Variants in ALG14 observed in about 807,000 individuals in gnomAD.
ALG14 encodes the protein ALG14 UDP-N-acetylglucosaminyltransferase subunit, also known as UDP-N-acetylglucosamine transferase subunit ALG14.
A neutral mutation model predicts 22.8 loss-of-function variants in ALG14; 17 were observed. That is an observed-to-expected ratio of 0.75 (90% CI 0.51 to 1.12). The LOEUF (loss-of-function observed/expected upper bound fraction) is 1.12, where lower values mean the gene tolerates loss of function less well. ALG14 is among the 50% of genes most tolerant of loss of function. The pLI is 0.00. For missense variants in ALG14, 288 were observed against 271.8 expected, an observed-to-expected ratio of 1.06 and a Z score of -0.42; for synonymous variants, 89 against 103.7, an observed-to-expected ratio of 0.86 and a Z score of 0.86.
chr1:94,991,842 A>AT (rs1557941315), intron 3 of ALG14, among the ~76,000 whole-genome samples: 2 of 129,156 alleles, frequency 1.5e-5, no homozygotes, highest in African/African-American at 6.5e-5. Flanking sequence ...GAACAAAAAG[A>AT]TTTTTTATAT....
In ALG14 at chr1:94,974,920, T is replaced by A. The variant is rs916123075; in HGVS notation, c.*8156A>T. ...AGTGACTCAAATGGCAGGGCTGGAA[T>A]AATCTGGAGACTTCTCCTCTTGCAT... On this transcript the variant is annotated 3_prime_UTR_variant, in exon 4 of 4. Coordinates refer to ENST00000370205, the MANE Select transcript of ALG14 (RefSeq NM_144988.4). 1 of 152,202 alleles carries A rather than the reference T, an allele frequency of 6.6e-6. No homozygotes were observed. Among genetic ancestry groups the A allele is most frequent in the Non-Finnish European group, 1.5e-5 (1 of 68,044 alleles). The allele number at this position is 152,202 out of a possible 1,614,324, so 9.4% of individuals were successfully genotyped here.
chr1:94,999,566 T>A lies in ALG14; in HGVS notation c.421-16260A>T, dbSNP rs1484785492. On this transcript the variant is annotated intron_variant, in intron 3 of 3. Transcript: ENST00000370205. The stretch of plus-strand genomic sequence containing the variant: ...AGTCAGTGAAAGGCAAATCTCTGTG[T>A]TATCCCATTCCTTGCAATTTTAACC... Among the ~76,000 whole-genome samples, 5 of 152,124 alleles carry A rather than the reference T, an allele frequency of 3.3e-5. No homozygotes were observed. In the South Asian group the frequency reaches 8.3e-4, roughly 25 times the overall value.
At chr1:95,070,471 G>A (rs1447751136) in intron 1 of ALG14, among the ~76,000 whole-genome samples, 1 of 152,192 alleles carries the variant, frequency 6.6e-6, no homozygotes, top group African/African-American at 2.4e-5. Flanking sequence ...GTATCTGTAT[G>A]TTGGCCTTTG....
intron 2 of ALG14, among the ~76,000 whole-genome samples, chr1:95,031,201 T>C (rs150831109): frequency 1.4e-4 from 22 of 152,314 alleles, no homozygotes; most frequent in Middle Eastern, 3.4e-3. Flanking sequence ...GAAGTATCAA[T>C]TTAAATAATA....
At chr1:95,040,207 A>ATAAATAAT (rs1040010148) in intron 2 of ALG14, among the ~76,000 whole-genome samples, 5 of 150,382 alleles carry the variant, frequency 3.3e-5, no homozygotes, top group Admixed American at 6.6e-5. Context: ...AAATAAATAA[A>ATAAATAAT]TAAGATTCCT....
chr1:94,985,961 G>T (rs371412117), intron 3 of ALG14, among the ~76,000 whole-genome samples: 54 of 151,710 alleles, frequency 3.6e-4, no homozygotes, highest in African/African-American at 1.2e-3. Flanking sequence ...TTACACAAAG[G>T]TTTTACCTCT....
intron 2 of ALG14, among the ~76,000 whole-genome samples, chr1:95,027,789 C>T (rs901380328): frequency 2.6e-5 from 4 of 152,304 alleles, no homozygotes; most frequent in Non-Finnish European, 5.9e-5. Flanking sequence ...TGGGTAAATA[C>T]ATGGGTACAA....
At chr1:95,063,321 C>G (rs774536572) in intron 2 of ALG14, among the ~76,000 whole-genome samples, 8 of 152,130 alleles carry the variant, frequency 5.3e-5, no homozygotes, top group Non-Finnish European at 1.2e-4. Flanking sequence ...TCAATTTTTA[C>G]TTTTGTTGCA....
intron 3 of ALG14, among the ~76,000 whole-genome samples, chr1:95,014,809 CA>C (rs1482305949): frequency 5.3e-5 from 8 of 152,056 alleles, no homozygotes; most frequent in African/African-American, 1.9e-4. Context: ...GCAATGACAT[CA>C]GAAAGTCTTG....
intron 2 of ALG14, among the ~76,000 whole-genome samples, chr1:95,049,579 A>G (rs1674678267): frequency 6.6e-6 from 1 of 152,124 alleles, no homozygotes. Context: ...CAGGCAAAAA[A>G]TAAGGGCAAG....
At chr1:95,026,216 G>A (rs1269543472) in intron 3 of ALG14, among the ~76,000 whole-genome samples, 1 of 152,158 alleles carries the variant, frequency 6.6e-6, no homozygotes, top group Non-Finnish European at 1.5e-5. Flanking sequence ...ACAGGTGTGA[G>A]CCACCGCACC....
At chr1:95,033,730 T>C (rs930009954) in intron 2 of ALG14, among the ~76,000 whole-genome samples, 1 of 152,074 alleles carries the variant, frequency 6.6e-6, no homozygotes, top group African/African-American at 2.4e-5. Flanking sequence ...ACACATTCCA[T>C]AGCTAACCAC....
At chr1:95,019,988 C>T (rs560037760) in intron 3 of ALG14, among the ~76,000 whole-genome samples, 14 of 151,976 alleles carry the variant, frequency 9.2e-5, no homozygotes, top group African/African-American at 2.7e-4. Context: ...GAGACCGAGG[C>T]GGGTGGATCA....
chr1:94,990,793 G>A (rs1183932865), intron 3 of ALG14, among the ~76,000 whole-genome samples: 1 of 152,190 alleles, frequency 6.6e-6, no homozygotes, highest in Non-Finnish European at 1.5e-5. Flanking sequence ...TCAAATATTA[G>A]TTACTTGCAT....
chr1:95,016,449 T>C (rs1018732418), intron 3 of ALG14, among the ~76,000 whole-genome samples: 1 of 152,130 alleles, frequency 6.6e-6, no homozygotes, highest in African/African-American at 2.4e-5. Flanking sequence ...AGAATGACCA[T>C]TGAATAATAT....
rs1408981815 is a variant in ALG14 at position 94,976,587 on chromosome 1, G to C, written c.*6489C>G. On this transcript the variant is annotated 3_prime_UTR_variant, in exon 4 of 4. Transcript: ENST00000370205. ...CACTCCTGAAATCCCAGCTAGTCAG[G>C]CGGCTGAGGCACGAGAATCGCTTGA... 6.6e-6 allele frequency: 1 copy of C among 152,170 alleles called. No homozygotes were observed. Among genetic ancestry groups the C allele is most frequent in the African/African-American group, 2.4e-5 (1 of 41,386 alleles). The allele number at this position is 152,170 out of a possible 1,614,324, so 9.4% of individuals were successfully genotyped here.
At chr1:95,040,431 C>T (rs1674343336) in intron 2 of ALG14, among the ~76,000 whole-genome samples, 2 of 152,278 alleles carry the variant, frequency 1.3e-5, no homozygotes, top group Admixed American at 6.5e-5. Context: ...CCTTTTACTT[C>T]CTTGCCATGC....
At chr1:94,992,167 T>C (rs1369261434) in intron 3 of ALG14, among the ~76,000 whole-genome samples, 1 of 152,030 alleles carries the variant, frequency 6.6e-6, no homozygotes, top group African/African-American at 2.4e-5. Flanking sequence ...GCCAGTAATA[T>C]AGTTATTTAT....
intron 2 of ALG14, among the ~76,000 whole-genome samples, chr1:95,032,010 T>A (rs953228546): frequency 6.6e-6 from 1 of 152,114 alleles, no homozygotes; most frequent in Non-Finnish European, 1.5e-5. Context: ...GGTTTCACCA[T>A]GTTGGTCAGG....
Sources: allele counts gnomAD v4.1 joint callset (sites outside exome capture counted in the v4.1 genomes callset), GRCh38; gene constraint gnomAD v4.1.1; transcripts MANE v1.5; gene names NCBI Gene and HGNC (gene_info 2026-07-23, HGNC 2026-07-21).